Variants in NUDC observed in about 807,000 individuals in gnomAD.
NUDC encodes nuclear migration protein nudC.
Under a neutral mutation model 45.0 loss-of-function variants are expected in NUDC, and 14 were observed. That is an observed-to-expected ratio of 0.31 (90% CI 0.21 to 0.49). NUDC has a LOEUF of 0.49. Among genes scored for constraint, NUDC ranks in the 20% least tolerant of loss-of-function variants. NUDC has a pLI of 0.99. For missense variants in NUDC, 323 were observed against 426.2 expected (o/e 0.76, Z 2.13); for synonymous variants, 153 against 156.7 (o/e 0.98, Z 0.17).
At chr1:26,932,257 A>T (rs941984378) in intron 2 of NUDC, among the ~76,000 whole-genome samples, 4 of 149,964 alleles carry the variant, frequency 2.7e-5, no homozygotes, top group Admixed American at 1.3e-4. Flanking sequence ...GCTCACTGCA[A>T]CCTCTGCCTT....
rs759517787 is a variant in NUDC, at chr1:26,924,184, C to G, written c.159+18C>G. On this transcript the variant is annotated intron_variant, in intron 2 of 8. Coordinates refer to ENST00000321265, the MANE Select transcript of NUDC (RefSeq NM_006600.4). ...CAGAGAAGGTAAGTGTTGGAAACCA[C>G]TGTCCTTTGGGCGGCTCTGTCTCTT... 1.2e-6 allele frequency: 2 copies of G among 1,610,498 alleles called. No homozygotes were observed. The highest frequency in any genetic ancestry group is 1.7e-5 in the Admixed American group (1 of 60,006).
chr1:26,931,054 C>A (rs2082178892), intron 2 of NUDC, among the ~76,000 whole-genome samples: 1 of 151,816 alleles, frequency 6.6e-6, no homozygotes, highest in Non-Finnish European at 1.5e-5. Context: ...ATAAAATTTA[C>A]CTTCTTAACC....
chr1:26,924,939 G>A (rs564610886), intron 2 of NUDC, among the ~76,000 whole-genome samples: 2 of 151,580 alleles, frequency 1.3e-5, no homozygotes, highest in African/African-American at 4.8e-5. Flanking sequence ...GGAGTGCAGT[G>A]GCATAATCTA....
intron 2 of NUDC, chr1:26,929,739 T>G (rs771866320): frequency 7.0e-5 from 31 of 442,400 alleles, no homozygotes; most frequent in African/African-American, 6.2e-4. Flanking sequence ...AACATAACTG[T>G]AGGGCCGGGC....
chr1:26,940,642 T>G (rs1557680205), intron 2 of NUDC, among the ~76,000 whole-genome samples: 1 of 152,166 alleles, frequency 6.6e-6, no homozygotes, highest in Non-Finnish European at 1.5e-5. Context: ...GAAAGGCTTG[T>G]GAGGGACTGA....
intron 2 of NUDC, among the ~76,000 whole-genome samples, chr1:26,940,521 G>A (rs1049538069): frequency 3.9e-5 from 6 of 152,092 alleles, no homozygotes; most frequent in East Asian, 3.9e-4. Flanking sequence ...TTCTGCTAAC[G>A]TGTCCTTTTT....
rs898144403 is a variant in NUDC at position 26,946,249 on chromosome 1, C to T, written c.*68C>T. The stretch of plus-strand genomic sequence containing the variant: ...CCACCCAACTTTCTTTCCCACTCTT[C>T]TCTGGGACTTGTGGGCCTCAGGGCT... On this transcript the variant is annotated 3_prime_UTR_variant, in exon 9 of 9. Transcript: ENST00000321265. 1.5e-5 allele frequency: 21 copies of T among 1,394,472 alleles called. No individual in the cohort carries two copies. The East Asian group carries it at 4.3e-4, about 29-fold the overall frequency. The allele number at this position is 1,394,472 out of a possible 1,614,324, so 86.4% of individuals were successfully genotyped here. A position where few individuals can be genotyped will look rare whatever the true frequency, so the allele number is the denominator to read the frequency against.
intron 2 of NUDC, among the ~76,000 whole-genome samples, chr1:26,938,401 G>A (rs1055743368): frequency 2.0e-5 from 3 of 152,202 alleles, no homozygotes; most frequent in African/African-American, 7.2e-5. Context: ...CCACTGGTTG[G>A]CAAATGCCTT....
intron 2 of NUDC, among the ~76,000 whole-genome samples, chr1:26,904,071 CAAAAAT>C (rs2081992617): frequency 7.0e-6 from 1 of 142,516 alleles, no homozygotes; most frequent in Admixed American, 7.0e-5. Context: ...AATAAAAATA[CAAAAAT>C]AAAAATAAAA....
chr1:26,936,299 C>T (rs1158781247), intron 2 of NUDC, among the ~76,000 whole-genome samples: 3 of 133,640 alleles, frequency 2.2e-5, no homozygotes, highest in Non-Finnish European at 4.8e-5. Flanking sequence ...AAGCAATTCT[C>T]CTGCCTCAGC....
At chr1:26,933,531 A>G (rs1286020889) in intron 2 of NUDC, among the ~76,000 whole-genome samples, 1 of 151,880 alleles carries the variant, frequency 6.6e-6, no homozygotes, top group Non-Finnish European at 1.5e-5. Context: ...CTCCTGCCTC[A>G]GCTTCCTGAG....
At chr1:26,923,497 A>T (rs2082107584) in intron 1 of NUDC, among the ~76,000 whole-genome samples, 1 of 151,374 alleles carries the variant, frequency 6.6e-6, no homozygotes, top group Non-Finnish European at 1.5e-5. Flanking sequence ...TTTTGTTTAG[A>T]CAAGAGTCTC....
At chr1:26,914,149 A>G (rs575399986) in intron 3 of NUDC, among the ~76,000 whole-genome samples, 13 of 151,988 alleles carry the variant, frequency 8.6e-5, no homozygotes, top group Admixed American at 3.9e-4. Context: ...CCCACGTGGC[A>G]CTGATATCAC....
chr1:26,913,802 C>T lies in NUDC; in HGVS notation c.93+2567C>T, dbSNP rs200354158. On this transcript the variant is annotated intron_variant, in intron 3 of 6. Transcript: ENST00000435827. Reference sequence around the variant, plus strand: ...GTGCGATGAGGTGCACATAGCTGGACGGGCCGGTGCTGCCTACATAGGCAG... The same window carrying T: ...GTGCGATGAGGTGCACATAGCTGGATGGGCCGGTGCTGCCTACATAGGCAG... 78 of 1,527,374 alleles carry T rather than the reference C, an allele frequency of 5.1e-5. 1 individual carries two copies. In the South Asian group the frequency reaches 8.3e-4, roughly 16 times the overall value. 94.6% of individuals were successfully genotyped at this position (1,527,374 alleles called of 1,614,324 possible). A position where few individuals can be genotyped will look rare whatever the true frequency, so the allele number is the denominator to read the frequency against.
intron 2 of NUDC, among the ~76,000 whole-genome samples, chr1:26,928,461 G>C (rs2082151879): frequency 1.3e-5 from 2 of 152,168 alleles, no homozygotes; most frequent in African/African-American, 4.8e-5. Context: ...GTCAATTGAA[G>C]AACACCAGAT....
intron 3 of NUDC, chr1:26,913,853 T>C: frequency 7.3e-6 from 11 of 1,507,502 alleles, no homozygotes; most frequent in Non-Finnish European, 9.8e-6. Context: ...GGGACAGCCT[T>C]GAGGCTGGAG....
At chr1:26,904,651 C>T (rs2081994761) in intron 2 of NUDC, among the ~76,000 whole-genome samples, 1 of 152,110 alleles carries the variant, frequency 6.6e-6, no homozygotes, top group East Asian at 1.9e-4. Flanking sequence ...GAAGACAGAT[C>T]ATCTAAGCTC....
intron 3 of NUDC, chr1:26,912,006 G>C (rs374687917): frequency 2.5e-6 from 4 of 1,614,238 alleles, no homozygotes; most frequent in Admixed American, 1.7e-5. Flanking sequence ...GGGCACCAGG[G>C]TTCCAGGACT....
chr1:26,921,212 A>G (rs2082088684), upstream of NUDC, among the ~76,000 whole-genome samples: 1 of 152,164 alleles, frequency 6.6e-6, no homozygotes, highest in Non-Finnish European at 1.5e-5. Flanking sequence ...TTCCAAAATT[A>G]TTAAGAATTT....
Sources: allele counts gnomAD v4.1 joint callset (sites outside exome capture counted in the v4.1 genomes callset), GRCh38; gene constraint gnomAD v4.1.1; transcripts MANE v1.5; gene names NCBI Gene and HGNC (gene_info 2026-07-23, HGNC 2026-07-21).